TRIM5: variants seen among roughly 807,000 people sequenced by gnomAD.
TRIM5 encodes tripartite motif containing 5, also known as tripartite motif-containing protein 5.
In TRIM5, 31 loss-of-function variants were observed where a neutral mutation model predicts 35.6. The ratio of observed to expected loss-of-function variants is 0.87; its 90% CI spans 0.65 to 1.18. TRIM5 has a LOEUF of 1.18. Among genes scored for constraint, TRIM5 ranks in the 50% most tolerant of loss-of-function variants. The pLI, the probability that TRIM5 is intolerant of heterozygous loss-of-function variation, is 0.00. For synonymous variants in TRIM5, 243 were observed against 215.6 expected (o/e 1.13, Z -1.11); for missense variants, 609 against 591.6 (o/e 1.03, Z -0.31).
the TRIM5 span, chr11:5,610,781 C>T: frequency 1.2e-5 from 20 of 1,613,730 alleles, no homozygotes; most frequent in East Asian, 6.7e-5. Context: ...CTACAGTTGA[C>T]GTGACCCTGA....
At chr11:5,598,591 TA>T in the TRIM5 span, among the ~76,000 whole-genome samples, 1 of 152,144 alleles carries the variant, frequency 6.6e-6, no homozygotes, top group Admixed American at 6.5e-5. Flanking sequence ...GTGATCAACA[TA>T]AAAAAATTAA....
At chr11:5,643,294 G>C in the TRIM5 span, 1 of 1,614,022 alleles carries the variant, frequency 6.2e-7, no homozygotes, top group Non-Finnish European at 8.5e-7. Context: ...AAACATTACT[G>C]GGAAGTGGAC....
intron 4 of TRIM5, among the ~76,000 whole-genome samples, chr11:5,671,692 T>TA (rs1190426728): frequency 6.6e-6 from 1 of 152,102 alleles, no homozygotes; most frequent in Non-Finnish European, 1.5e-5. Context: ...TCAGATGTCA[T>TA]AATGTAGCAA....
the TRIM5 span, among the ~76,000 whole-genome samples, chr11:5,618,729 C>T: frequency 0.13 from 20,382 of 152,022 alleles, 1,579 homozygotes; most frequent in African/African-American, 0.19. Context: ...GATTCTTGAA[C>T]CTTGATTGAT....
the TRIM5 span, chr11:5,632,245 A>C: frequency 6.3e-7 from 1 of 1,585,400 alleles, no homozygotes; most frequent in Non-Finnish European, 8.6e-7. Context: ...TCCCCTTTCA[A>C]TCTTCTCAGC....
chr11:5,628,280 G>A, the TRIM5 span, among the ~76,000 whole-genome samples: 1 of 152,210 alleles, frequency 6.6e-6, no homozygotes, highest in Non-Finnish European at 1.5e-5. Flanking sequence ...CTATTGGTTG[G>A]ATACTGATTG....
the TRIM5 span, chr11:5,632,507 G>T: frequency 1.2e-6 from 2 of 1,613,990 alleles, no homozygotes; most frequent in Non-Finnish European, 1.7e-6. Flanking sequence ...TGTCCTGTGT[G>T]TGGTATCAGT....
chr11:5,630,246 G>A, the TRIM5 span, among the ~76,000 whole-genome samples: 8 of 152,256 alleles, frequency 5.3e-5, no homozygotes, highest in South Asian at 1.2e-3. Flanking sequence ...TGGTGATGGC[G>A]ATGTGTTTTT....
Position 5,667,702 on chromosome 11 carries a change from C to T in TRIM5, c.754G>A (p.Gly252Ser). Residue 252 changes from glycine to serine, a missense_variant, in exon 5 of 8, where the codon GGC becomes AGC. Physicochemically the swap from Gly to Ser is moderately conservative, Grantham distance 56. Transcript: ENST00000380034. ...SVMELLQGVD[G>S]VIKRTENVTL... Reference sequence around the variant, plus strand: ...TCCCACACATACCTTTTTATGACGCCATCCACACCCTAGGAAGAAGAGAGA... The same window carrying T: ...TCCCACACATACCTTTTTATGACGCTATCCACACCCTAGGAAGAAGAGAGA... 6.2e-7 allele frequency: 1 copy of T among 1,613,572 alleles called. No individual in the cohort carries two copies. Among genetic ancestry groups the T allele is most frequent in the Non-Finnish European group, 8.5e-7 (1 of 1,179,844 alleles).
chr11:5,663,339 A>C lies in TRIM5; in HGVS notation c.*1470T>G. 1.1e-6 allele frequency: 1 copy of C among 952,220 alleles called. No homozygotes were observed. The highest frequency in any genetic ancestry group is 1.3e-6 in the Non-Finnish European group (1 of 799,642). 59.0% of individuals were successfully genotyped at this position (952,220 alleles called of 1,614,324 possible). A position where few individuals can be genotyped will look rare whatever the true frequency, so the allele number is the denominator to read the frequency against. On this transcript the variant is annotated 3_prime_UTR_variant, in exon 8 of 8. Coordinates refer to ENST00000380034, the MANE Select transcript of TRIM5 (RefSeq NM_033034.3). Reference sequence around the variant, plus strand: ...TTGATAAAGACTAATATGTAGCAACACTAGAATTACAATAAAATCCTAAAT... The same window carrying C: ...TTGATAAAGACTAATATGTAGCAACCCTAGAATTACAATAAAATCCTAAAT...
chr11:5,623,483 TCAGC>T, the TRIM5 span, among the ~76,000 whole-genome samples: 4 of 151,548 alleles, frequency 2.6e-5, no homozygotes, highest in Middle Eastern at 0.011. Flanking sequence ...TTCTCCTGCC[TCAGC>T]CTCCTGAGTA....
At chr11:5,592,815 GCT>G in the TRIM5 span, among the ~76,000 whole-genome samples, 1 of 151,470 alleles carries the variant, frequency 6.6e-6, no homozygotes, top group Non-Finnish European at 1.5e-5. Context: ...TACTTGAGAG[GCT>G]GAAGTGGGAA....
chr11:5,652,852 C>CT, the TRIM5 span, among the ~76,000 whole-genome samples: 3,421 of 143,638 alleles, frequency 0.024, 124 homozygotes, highest in African/African-American at 0.075. Flanking sequence ...TTTTCTTTTT[C>CT]TTTTTTTTTT....
chr11:5,589,142 C>A, the TRIM5 span: 1 of 151,876 alleles, frequency 6.6e-6, no homozygotes, highest in Non-Finnish European at 1.5e-5. Flanking sequence ...CCTCAAAAAT[C>A]CAAGCTGAGA....
At chr11:5,656,794 T>C in the TRIM5 span, among the ~76,000 whole-genome samples, 1 of 152,144 alleles carries the variant, frequency 6.6e-6, no homozygotes, top group Non-Finnish European at 1.5e-5. Flanking sequence ...TGGCGATCAT[T>C]AAAAAGTCAG....
chr11:5,620,379 A>C, the TRIM5 span, among the ~76,000 whole-genome samples: 2 of 151,172 alleles, frequency 1.3e-5, no homozygotes, highest in South Asian at 4.2e-4. Flanking sequence ...GGGTTTCACC[A>C]TGTTGGCCAG....
At chr11:5,668,587 T>C (rs1851324273) in intron 4 of TRIM5, among the ~76,000 whole-genome samples, 1 of 151,882 alleles carries the variant, frequency 6.6e-6, no homozygotes, top group African/African-American at 2.4e-5. Context: ...GTAGCTGGGA[T>C]TACTGGCGCC....
At chr11:5,660,898 T>A (rs1850791101), downstream of TRIM5, among the ~76,000 whole-genome samples, 1 of 151,422 alleles carries the variant, frequency 6.6e-6, no homozygotes, top group Non-Finnish European at 1.5e-5. Flanking sequence ...AAAAATTAGC[T>A]GGGCATGGTG....
the TRIM5 span, among the ~76,000 whole-genome samples, chr11:5,647,295 T>C: frequency 1.3e-5 from 2 of 152,194 alleles, no homozygotes; most frequent in African/African-American, 4.8e-5. Context: ...GACACTAAGA[T>C]GTCACCTTTT....
Sources: allele counts gnomAD v4.1 joint callset (sites outside exome capture counted in the v4.1 genomes callset), GRCh38; gene constraint gnomAD v4.1.1; transcripts MANE v1.5; gene names NCBI Gene and HGNC (gene_info 2026-07-23, HGNC 2026-07-21).